The following CEP162 variants were observed in gnomAD, a reference collection of about 807,000 sequenced individuals.
CEP162 encodes the protein centrosomal protein 162.
Under a neutral mutation model 169.2 loss-of-function variants are expected in CEP162, and 141 were observed. The observed-to-expected ratio is 0.83, with a 90% CI of 0.73 to 0.96. The LOEUF (loss-of-function observed/expected upper bound fraction) is 0.96, where lower values mean the gene tolerates loss of function less well. Ranked by LOEUF, CEP162 falls within the 40% of genes least tolerant of loss-of-function variation. CEP162 has a pLI of 0.00. For missense variants in CEP162, 1,600 were observed against 1,587.2 expected (o/e 1.01, Z -0.14); for synonymous variants, 540 against 526.4 (o/e 1.03, Z -0.35).
chr6:84,194,380 A>G (rs2099541208), intron 10 of CEP162, among the ~76,000 whole-genome samples: 1 of 151,816 alleles, frequency 6.6e-6, no homozygotes, highest in South Asian at 2.1e-4. Context: ...AAAGAAAAGA[A>G]AGTGAAATTT....
At chr6:84,211,860 GA>G (rs1020544811) in intron 6 of CEP162, among the ~76,000 whole-genome samples, 5 of 132,436 alleles carry the variant, frequency 3.8e-5, no homozygotes, top group African/African-American at 1.1e-4. Context: ...ATAAATATAA[GA>G]AAAGCATACC....
chr6:84,139,946 C>T (rs1418866665), intron 25 of CEP162, among the ~76,000 whole-genome samples: 1 of 152,178 alleles, frequency 6.6e-6, no homozygotes, highest in Non-Finnish European at 1.5e-5. Context: ...GGTGTGTTCA[C>T]GGTTCTCACC....
At chr6:84,137,916 A>C (rs910268064) in intron 25 of CEP162, among the ~76,000 whole-genome samples, 1 of 152,216 alleles carries the variant, frequency 6.6e-6, no homozygotes, top group African/African-American at 2.4e-5. Flanking sequence ...CCATTGCAGC[A>C]GACATAATTT....
At chr6:84,167,855 T>C (rs949830745) in intron 18 of CEP162, among the ~76,000 whole-genome samples, 8 of 152,224 alleles carry the variant, frequency 5.3e-5, no homozygotes, top group South Asian at 2.1e-4. Flanking sequence ...GCTTCTTTTT[T>C]CCTAATCCAC....
intron 25 of CEP162, among the ~76,000 whole-genome samples, chr6:84,132,430 A>T (rs984758359): frequency 7.9e-5 from 12 of 152,128 alleles, no homozygotes; most frequent in Admixed American, 6.6e-5. Flanking sequence ...TAATATCCTG[A>T]AGAGTGTTTT....
chr6:84,151,025 G>A (rs2099520887), intron 23 of CEP162, among the ~76,000 whole-genome samples: 1 of 152,062 alleles, frequency 6.6e-6, no homozygotes, highest in Non-Finnish European at 1.5e-5. Flanking sequence ...GGTAGGAGAA[G>A]GCAATTTCCT....
rs143441616 is a variant in CEP162 at position 84,160,816 on chromosome 6, C to A, written c.2777G>T (p.Arg926Leu). 1 of 1,592,190 alleles carries A rather than the reference C, an allele frequency of 6.3e-7. No individual in the cohort carries two copies. Among genetic ancestry groups the A allele is most frequent in the Non-Finnish European group, 8.6e-7 (1 of 1,160,560 alleles). Reference protein sequence around the residue: ...ADAKKIQDLERQVKEMEGILK... With the variant: ...ADAKKIQDLELQVKEMEGILK... ...AAATTTACCCTGAACACATACTTGT[C>A]GCTCCAGATCCTGAATTTTTTTGGC... Residue 926 changes from arginine to leucine, a missense_variant, in exon 21 of 27, where the codon CGA (arginine) becomes CTA (leucine). Arg to Leu is a moderately radical substitution (Grantham distance 102). Coordinates refer to ENST00000403245, the MANE Select transcript of CEP162 (RefSeq NM_014895.4).
chr6:84,171,601 C>G lies in CEP162; in HGVS notation c.2279+5G>C. ...TTTGATTTTAAGAAGTTCAAAAGGACTTACTTTAAGGAAGCTACCTCACTG... is the reference window on the plus strand; with the variant it reads ...TTTGATTTTAAGAAGTTCAAAAGGAGTTACTTTAAGGAAGCTACCTCACTG... On this transcript the variant is annotated splice_donor_5th_base_variant and intron_variant, in intron 17 of 26. Transcript: ENST00000403245. 1 of 1,276,332 alleles carries G rather than the reference C, an allele frequency of 7.8e-7. No individual in the cohort carries two copies. Among genetic ancestry groups the G allele is most frequent in the Non-Finnish European group, 1.1e-6 (1 of 938,550 alleles). 79.1% of individuals were successfully genotyped at this position (1,276,332 alleles called of 1,614,324 possible).
intron 24 of CEP162, 32 bp downstream of exon 24, chr6:84,149,529 CA>C: frequency 6.6e-7 from 1 of 1,514,660 alleles, no homozygotes; most frequent in South Asian, 1.3e-5. Flanking sequence ...CGAGTTTATT[CA>C]AGTCAAAAGA....
rs755061494 is a variant in CEP162, at chr6:84,186,488, TA to T, written c.1244del (p.Leu415TyrfsTer16). Reference protein sequence around the residue: ...FFDKNDENVILQKTTNESMEN... With the variant: ...FFDKNDENVIXQKTTNESMEN... ...CCATACTCTCATTTGTGGTCTTTTGTAAAATCACATTCTCATCATTTTTGTC... is the reference window on the plus strand; with the variant it reads ...CCATACTCTCATTTGTGGTCTTTTGTAAATCACATTCTCATCATTTTTGTC... On this transcript the variant is annotated frameshift_variant, in exon 12 of 27. Transcript: ENST00000403245. LOFTEE classifies it high-confidence loss of function. 6.2e-7 allele frequency: 1 copy of T among 1,613,418 alleles called. No individual in the cohort carries two copies. Among genetic ancestry groups the T allele is most frequent in the Non-Finnish European group, 8.5e-7 (1 of 1,179,504 alleles).
chr6:84,193,462 GTAAGGACAAA>G, intron 11 of CEP162, 137 bp downstream of exon 11: 1 of 462,474 alleles, frequency 2.2e-6, no homozygotes, highest in East Asian at 3.7e-5. Context: ...GATGACTTGA[GTAAGGACAAA>G]TATAAAAAGA....
At chr6:84,212,008 C>A in intron 6 of CEP162, among the ~76,000 whole-genome samples, 1 of 149,600 alleles carries the variant, frequency 6.7e-6, no homozygotes, top group Admixed American at 6.6e-5. Flanking sequence ...GGTCAAAAGA[C>A]AATAGAATAA....
chr6:84,189,046 A>G (rs904138603), intron 11 of CEP162, among the ~76,000 whole-genome samples: 3 of 150,528 alleles, frequency 2.0e-5, no homozygotes, highest in East Asian at 1.9e-4. Context: ...ATGTCTGTTC[A>G]TGTCCTTGCC....
chr6:84,149,258 C>A (rs1410483640), intron 24 of CEP162, among the ~76,000 whole-genome samples: 10 of 151,948 alleles, frequency 6.6e-5, no homozygotes, highest in Non-Finnish European at 5.9e-5. Flanking sequence ...AGACATATAC[C>A]TCACCACCTG....
chr6:84,160,087 C>T (rs935876393), intron 21 of CEP162, among the ~76,000 whole-genome samples: 29 of 152,052 alleles, frequency 1.9e-4, no homozygotes, highest in African/African-American at 5.6e-4. Context: ...TGGAATAATA[C>T]CCATATGTCT....
intron 26 of CEP162, 125 bp from the exon 27 acceptor site, chr6:84,125,401 C>T (rs550106851): frequency 1.1e-4 from 85 of 740,390 alleles, no homozygotes; most frequent in African/African-American, 9.8e-4. Flanking sequence ...TAATGCTCTG[C>T]GTGGATGCAA....
At chr6:84,208,863 T>C (rs2127742054) in intron 6 of CEP162, among the ~76,000 whole-genome samples, 1 of 152,372 alleles carries the variant, frequency 6.6e-6, no homozygotes, top group African/African-American at 2.4e-5. Context: ...TTCTAAGTGC[T>C]GTGAACAATA....
chr6:84,192,294 G>A (rs2099540245), intron 11 of CEP162, among the ~76,000 whole-genome samples: 1 of 152,112 alleles, frequency 6.6e-6, no homozygotes, highest in Admixed American at 6.5e-5. Flanking sequence ...CAAAATATCT[G>A]TTTTAAGCTT....
At chr6:84,163,808 A>G (rs1005287025) in intron 18 of CEP162, among the ~76,000 whole-genome samples, 1 of 152,086 alleles carries the variant, frequency 6.6e-6, no homozygotes, top group Non-Finnish European at 1.5e-5. Flanking sequence ...TCTACTAAAA[A>G]TACAAAATTA....
Sources: allele counts gnomAD v4.1 joint callset (sites outside exome capture counted in the v4.1 genomes callset), GRCh38; gene constraint gnomAD v4.1.1; transcripts MANE v1.5; gene names NCBI Gene and HGNC (gene_info 2026-07-23, HGNC 2026-07-21).